The following IKZF3 variants were observed in gnomAD, a reference collection of about 807,000 sequenced individuals.
The protein encoded by IKZF3 is zinc finger protein Aiolos.
Under a neutral mutation model 49.0 loss-of-function variants are expected in IKZF3, and 10 were observed. That is an observed-to-expected ratio of 0.20 (90% CI 0.13 to 0.35). The LOEUF (loss-of-function observed/expected upper bound fraction) is 0.35, where lower values mean the gene tolerates loss of function less well. IKZF3 is among the 10% of genes least tolerant of loss of function. IKZF3 has a pLI of 1.00. For synonymous variants in IKZF3, 209 were observed against 228.2 expected (o/e 0.92, Z 0.76); for missense variants, 498 against 664.8 (o/e 0.75, Z 2.76).
chr17:39,804,059 T>C (rs550565684), intron 3 of IKZF3, among the ~76,000 whole-genome samples: 52 of 152,192 alleles, frequency 3.4e-4, no homozygotes, highest in Admixed American at 5.9e-4. Context: ...ATCTCCCATA[T>C]AGACTAGGAG....
At chr17:39,850,073 CTATATGCATATATACTATATAGCATATTA>C (rs1378327552) in intron 1 of IKZF3, among the ~76,000 whole-genome samples, 4 of 88,962 alleles carry the variant, frequency 4.5e-5, no homozygotes, top group Non-Finnish European at 1.2e-4. Context: ...TGTATATATA[CTATATGCATATATACTATATAGCATATTA>C]TATATGTATA....
chr17:39,778,757 C>T (rs1241509779), intron 6 of IKZF3, among the ~76,000 whole-genome samples: 2 of 152,164 alleles, frequency 1.3e-5, no homozygotes, highest in Non-Finnish European at 2.9e-5. Context: ...GCCGAGATGG[C>T]GCCATTGCAC....
intron 3 of IKZF3, among the ~76,000 whole-genome samples, chr17:39,827,962 G>A (rs899698754): frequency 1.3e-5 from 2 of 152,172 alleles, no homozygotes; most frequent in African/African-American, 4.8e-5. Context: ...GTGGATTAGG[G>A]AAGAGGAGGT....
At chr17:39,850,889 A>G (rs1345574315) in intron 1 of IKZF3, among the ~76,000 whole-genome samples, 2 of 114,638 alleles carry the variant, frequency 1.7e-5, no homozygotes, top group East Asian at 4.6e-4. Context: ...AATATACTCT[A>G]TAGTATATAT....
chr17:39,844,438 C>T (rs1199568790), intron 1 of IKZF3, among the ~76,000 whole-genome samples: 8 of 152,152 alleles, frequency 5.3e-5, no homozygotes, highest in Non-Finnish European at 1.0e-4. Flanking sequence ...CTCTTAGAAG[C>T]CACTTGGCTC....
intron 6 of IKZF3, among the ~76,000 whole-genome samples, chr17:39,780,351 ATTAT>A (rs1335742934): frequency 2.6e-5 from 4 of 151,456 alleles, no homozygotes; most frequent in African/African-American, 9.7e-5. Context: ...CTCAGTTTTC[ATTAT>A]TTAGTTAATT....
chr17:39,863,907 C>G (rs896552903), intron 1 of IKZF3, among the ~76,000 whole-genome samples: 2 of 152,106 alleles, frequency 1.3e-5, no homozygotes, highest in African/African-American at 4.8e-5. Context: ...AATAAAATTG[C>G]GAAGAAGTTA....
intron 3 of IKZF3, among the ~76,000 whole-genome samples, chr17:39,823,038 C>T (rs1598116320): frequency 6.6e-6 from 1 of 152,206 alleles, no homozygotes; most frequent in Non-Finnish European, 1.5e-5. Context: ...CAGAAGAAGA[C>T]AGAAAAATGT....
At chr17:39,854,118 T>G (rs1020645404) in intron 1 of IKZF3, among the ~76,000 whole-genome samples, 3 of 152,102 alleles carry the variant, frequency 2.0e-5, no homozygotes, top group African/African-American at 2.4e-5. Context: ...AGAGCAAGAC[T>G]CCGTCTCAAA....
At chr17:39,817,346 G>T (rs1237533245) in intron 3 of IKZF3, among the ~76,000 whole-genome samples, 1 of 152,156 alleles carries the variant, frequency 6.6e-6, no homozygotes, top group Non-Finnish European at 1.5e-5. Context: ...AACTTAAACA[G>T]AATAGAATTC....
chr17:39,843,331 A>C (rs900832226), intron 1 of IKZF3, among the ~76,000 whole-genome samples: 11 of 152,204 alleles, frequency 7.2e-5, no homozygotes, highest in Non-Finnish European at 1.5e-4. Context: ...TGCAGAAAAA[A>C]AGTTTTTTTG....
chr17:39,814,032 A>AT (rs1191429999), intron 3 of IKZF3, among the ~76,000 whole-genome samples: 2 of 151,978 alleles, frequency 1.3e-5, no homozygotes, highest in South Asian at 2.1e-4. Context: ...ATGTGGCTTA[A>AT]TTTTTTTTCC....
At chr17:39,850,265 T>A (rs2062772031) in intron 1 of IKZF3, among the ~76,000 whole-genome samples, 1 of 136,144 alleles carries the variant, frequency 7.3e-6, no homozygotes, top group Non-Finnish European at 1.5e-5. Context: ...TAGCATATTA[T>A]GTATGTATAT....
At chr17:39,801,311 T>C (rs1161962636) in intron 3 of IKZF3, among the ~76,000 whole-genome samples, 1 of 135,890 alleles carries the variant, frequency 7.4e-6, no homozygotes, top group Non-Finnish European at 1.6e-5. Flanking sequence ...TCAGAGATAA[T>C]GAGGCCCTAA....
At chr17:39,800,029 A>G (rs1303013017) in intron 3 of IKZF3, among the ~76,000 whole-genome samples, 1 of 152,212 alleles carries the variant, frequency 6.6e-6, no homozygotes, top group Non-Finnish European at 1.5e-5. Context: ...CCCTGATTTC[A>G]GTTGTCAGTG....
rs563670618 is a variant in IKZF3 at position 39,863,421 on chromosome 17, C to G, written c.7+699G>C. ...AATTTCTTAATCCCACCATCCCCCC[C>G]CGAGTTGAGATGCATTTGCCATTTT... On this transcript the variant is annotated intron_variant, in intron 1 of 7. Coordinates refer to ENST00000346872, the MANE Select transcript of IKZF3 (RefSeq NM_012481.5). Among the ~76,000 whole-genome samples, 8 of 152,166 alleles carry G rather than the reference C, an allele frequency of 5.3e-5. No individual in the cohort carries two copies. The South Asian group carries it at 8.3e-4, about 16-fold the overall frequency.
Position 39,765,764 on chromosome 17 carries a change from T to C in IKZF3, c.*26A>G. On this transcript the variant is annotated 3_prime_UTR_variant, in exon 8 of 8. Transcript: ENST00000346872. Reference sequence around the variant, plus strand: ...GTTTTTAGAAACGATGCTGAATACATAGGAGCAATCCCTGAGACCAGATAT... The same window carrying C: ...GTTTTTAGAAACGATGCTGAATACACAGGAGCAATCCCTGAGACCAGATAT... The C allele has an allele frequency of 1.3e-6, 2 of 1,539,752 alleles. No homozygotes were observed. Among genetic ancestry groups the C allele is most frequent in the East Asian group, 2.3e-5 (1 of 44,152 alleles).
chr17:39,863,176 T>C (rs992709078), intron 1 of IKZF3, among the ~76,000 whole-genome samples: 9 of 152,182 alleles, frequency 5.9e-5, no homozygotes, highest in African/African-American at 1.4e-4. Flanking sequence ...AAATGCAAAA[T>C]TTTTAAAGTT....
chr17:39,831,651 T>G (rs1568035333), intron 2 of IKZF3, among the ~76,000 whole-genome samples: 1 of 152,172 alleles, frequency 6.6e-6, no homozygotes. Flanking sequence ...TTACATTTTT[T>G]AAGGGTTGTA....
Sources: allele counts gnomAD v4.1 joint callset (sites outside exome capture counted in the v4.1 genomes callset), GRCh38; gene constraint gnomAD v4.1.1; transcripts MANE v1.5; gene names NCBI Gene and HGNC (gene_info 2026-07-23, HGNC 2026-07-21).